ATP7A: variants seen among roughly 807,000 people sequenced by gnomAD.
ATP7A encodes ATPase copper transporting alpha.
ATP7A carries 7 observed loss-of-function variants against 83.5 expected under a neutral mutation model. The observed-to-expected ratio is 0.08, with a 90% CI of 0.05 to 0.16. The LOEUF (loss-of-function observed/expected upper bound fraction) is 0.16, where lower values mean the gene tolerates loss of function less well. ATP7A is among the 10% of genes least tolerant of loss of function. The pLI is 1.00. For missense variants in ATP7A, 940 were observed against 1,120.8 expected, an observed-to-expected ratio of 0.84 and a Z score of 2.30; for synonymous variants, 354 against 395.2, an observed-to-expected ratio of 0.90 and a Z score of 1.24.
chrX:78,044,822 T>C (rs1274881098), intron 21 of ATP7A, among the ~76,000 whole-genome samples: 1 of 111,786 alleles, frequency 8.9e-6, no homozygotes, highest in African/African-American at 3.3e-5. Context: ...TCTCTCTGGT[T>C]TGAGGGCCAA....
chrX:77,918,995 A>C lies in ATP7A; in HGVS notation c.-22+8160A>C, dbSNP rs181686897. 2.7e-5 allele frequency among the ~76,000 whole-genome samples: 3 copies of C among 111,671 alleles called. No homozygotes were observed. The East Asian group carries it at 8.4e-4, about 31-fold the overall frequency. On this transcript the variant is annotated intron_variant, in intron 1 of 22. Coordinates refer to ENST00000341514, the MANE Select transcript of ATP7A (RefSeq NM_000052.7). ...TCTAAGGATTTCAAGGTGTTGCATA[A>C]ATTTTCTTATTCTATTTAAGTATAC...
At chrX:77,938,456 C>A (rs1334205949) in intron 1 of ATP7A, among the ~76,000 whole-genome samples, 1 of 112,477 alleles carries the variant, frequency 8.9e-6, no homozygotes, top group Non-Finnish European at 1.9e-5. Context: ...TCATTCAGTT[C>A]TAGTTCCTTT....
At chrX:77,936,826 A>T (rs143236964) in intron 1 of ATP7A, among the ~76,000 whole-genome samples, 157 of 112,709 alleles carry the variant, frequency 1.4e-3, no homozygotes, top group African/African-American at 4.7e-3. Context: ...TGTTTAAGAG[A>T]TGCAGTCTGT....
chrX:77,911,046 C>G (rs140597766), intron 1 of ATP7A, among the ~76,000 whole-genome samples: 124 of 112,233 alleles, frequency 1.1e-3, no homozygotes, highest in African/African-American at 4.0e-3. Context: ...ACCTGTGTCA[C>G]TTTCTTGTAC....
At chrX:77,928,174 C>T (rs1223045403) in intron 1 of ATP7A, among the ~76,000 whole-genome samples, 1 of 110,411 alleles carries the variant, frequency 9.1e-6, no homozygotes, top group Admixed American at 9.7e-5. Context: ...ATTGCCCAGG[C>T]TGCCTATTTT....
chrX:78,046,618 G>A lies in ATP7A; in HGVS notation c.*48G>A, dbSNP rs781863371. ...GTTTAACTTGTCATGCACTGACACA[G>A]CATTCATGATGTTACCTTCACTTTT... On this transcript the variant is annotated 3_prime_UTR_variant, in exon 23 of 23. Transcript: ENST00000341514. The A allele has an allele frequency of 1.2e-5, 14 of 1,177,809 alleles. No individual in the cohort carries two copies. The South Asian group carries it at 2.5e-4, about 21-fold the overall frequency.
intron 2 of ATP7A, among the ~76,000 whole-genome samples, chrX:77,986,745 G>T (rs1557231402): frequency 9.0e-6 from 1 of 111,424 alleles, no homozygotes. Context: ...TCTTAATTCA[G>T]ACCCTCTATT....
intron 2 of ATP7A, among the ~76,000 whole-genome samples, chrX:77,972,491 A>G (rs1185874603): frequency 1.8e-5 from 2 of 111,481 alleles, no homozygotes; most frequent in Non-Finnish European, 3.8e-5. Flanking sequence ...AGCTGGGATT[A>G]CAGGCATGCG....
rs369946915 is a variant in ATP7A at position 77,969,534 on chromosome X, G to A, written c.-21-2087G>A. 9.1e-6 allele frequency: 11 copies of A among 1,209,695 alleles called. No homozygotes were observed. The African/African-American group carries it at 1.6e-4, about 17-fold the overall frequency. On this transcript the variant is annotated intron_variant, in intron 1 of 22. Transcript: ENST00000341514. ...CCTGCCCGCCGCGCTTCGCCTCCTCGTGGCCCGCCGGGCTCAGATCGGCGT... is the reference window on the plus strand; with the variant it reads ...CCTGCCCGCCGCGCTTCGCCTCCTCATGGCCCGCCGGGCTCAGATCGGCGT...
At chrX:78,020,176 C>T (rs2077895255) in intron 12 of ATP7A, 68 bp from the exon 13 acceptor site, 4 of 1,111,672 alleles carry the variant, frequency 3.6e-6, no homozygotes, top group Non-Finnish European at 5.0e-6. Flanking sequence ...TGACAAGTAA[C>T]AAATAATGAT....
At chrX:77,978,639 GAACT>G (rs782405692) in intron 2 of ATP7A, among the ~76,000 whole-genome samples, 1 of 111,031 alleles carries the variant, frequency 9.0e-6, no homozygotes, top group South Asian at 3.8e-4. Flanking sequence ...AGAAAAGACT[GAACT>G]ATTTTTATTT....
intron 2 of ATP7A, among the ~76,000 whole-genome samples, chrX:77,978,175 A>G (rs193093191): frequency 9.0e-6 from 1 of 111,575 alleles, no homozygotes; most frequent in Non-Finnish European, 1.9e-5. Flanking sequence ...CCTTTGTGTT[A>G]GTGTGATATT....
intron 2 of ATP7A, among the ~76,000 whole-genome samples, chrX:77,987,380 G>A (rs1350055905): frequency 9.1e-6 from 1 of 110,073 alleles, no homozygotes; most frequent in East Asian, 2.8e-4. Flanking sequence ...ACTAATGGGT[G>A]TGGTTAGCTA....
intron 1 of ATP7A, among the ~76,000 whole-genome samples, chrX:77,925,375 A>G (rs1177484798): frequency 8.9e-6 from 1 of 111,865 alleles, no homozygotes; most frequent in Non-Finnish European, 1.9e-5. Flanking sequence ...ACGTATACTG[A>G]GTATTACAGT....
rs377355446 is a variant in ATP7A at position 77,998,518 on chromosome X, G to A, written c.1377G>A (p.Ser459=). The part of the protein sequence containing the change: ...EPLVVIAQPS[S]EMPLLTSTNE... ...TGGTAGTAATAGCTCAGCCTTCATC[G>A]GAAATGCCGCTTTTGACTTCAACTA... Residue 459 remains serine, a synonymous_variant, in exon 5 of 23, where the codon TCG becomes TCA. Coordinates refer to ENST00000341514, the MANE Select transcript of ATP7A (RefSeq NM_000052.7). 11 of 1,210,003 alleles carry A rather than the reference G, an allele frequency of 9.1e-6. No individual in the cohort carries two copies. The African/African-American group carries it at 1.0e-4, about 12-fold the overall frequency.
chrX:77,949,181 C>T (rs1188832305), intron 1 of ATP7A, among the ~76,000 whole-genome samples: 6 of 112,009 alleles, frequency 5.4e-5, no homozygotes, highest in East Asian at 2.8e-4. Context: ...TGAGCCACTG[C>T]GCCCGGCCTT....
Position 77,989,600 on chromosome X carries a change from C to T in ATP7A, c.978C>T (p.Val326=). Residue 326 remains valine (V), a synonymous_variant, in exon 4 of 23, where the codon GTC becomes GTT. Coordinates refer to ENST00000341514, the MANE Select transcript of ATP7A (RefSeq NM_000052.7). ...TTGTGAAGTATAATGCAAGCTCAGT[C>T]ACTCCAGAATCCCTGAGAAAAGCAA... ...SAIVKYNASS[V]TPESLRKAIE... 8.3e-7 allele frequency: 1 copy of T among 1,211,688 alleles called. No homozygotes were observed. Among genetic ancestry groups the T allele is most frequent in the African/African-American group, 1.7e-5 (1 of 57,805 alleles).
intron 21 of ATP7A, 133 bp from the exon 22 acceptor site, chrX:78,045,337 C>A: frequency 1.6e-6 from 1 of 619,574 alleles, no homozygotes; most frequent in Non-Finnish European, 2.6e-6. Context: ...ATGGCAACAA[C>A]AAAAATCTCT....
At chrX:77,951,389 G>A (rs1483658732) in intron 1 of ATP7A, among the ~76,000 whole-genome samples, 1 of 111,227 alleles carries the variant, frequency 9.0e-6, no homozygotes, top group Non-Finnish European at 1.9e-5. Flanking sequence ...TTTATAGATT[G>A]TAAGATGGTT....
Sources: allele counts gnomAD v4.1 joint callset (sites outside exome capture counted in the v4.1 genomes callset), GRCh38; gene constraint gnomAD v4.1.1; transcripts MANE v1.5; gene names NCBI Gene and HGNC (gene_info 2026-07-23, HGNC 2026-07-21).